LEMD1: variants seen among roughly 807,000 people sequenced by gnomAD.
LEMD1 encodes LEM domain containing 1.
LEMD1 carries 18 observed loss-of-function variants against 17.4 expected under a neutral mutation model. The ratio of observed to expected loss-of-function variants is 1.04; its 90% CI spans 0.72 to 1.54. The LOEUF is 1.54. Among genes scored for constraint, LEMD1 ranks in the 40% most tolerant of loss-of-function variants. The probability of loss-of-function intolerance (pLI) is 0.00; values close to 1 mark genes in which losing one functional copy is unlikely to be tolerated. For missense variants in LEMD1, 195 were observed against 210.4 expected, an observed-to-expected ratio of 0.93 and a Z score of 0.45; for synonymous variants, 88 against 77.8, an observed-to-expected ratio of 1.13 and a Z score of -0.69.
chr1:205,381,810 T>C lies in LEMD1; in HGVS notation c.394A>G (p.Thr132Ala), dbSNP rs749812756. 2 of 1,614,106 alleles carry C rather than the reference T, an allele frequency of 1.2e-6. No homozygotes were observed. Among genetic ancestry groups the C allele is most frequent in the Non-Finnish European group, 1.7e-6 (2 of 1,180,024 alleles). ...PSTRITYGTITKERDYCAEDQ... is the reference protein window; with the variant it reads ...PSTRITYGTIAKERDYCAEDQ... Reference sequence around the variant, plus strand: ...TCCGCGCAGTAGTCTCTCTCTTTGGTGATAGTCCCATATGTGATTCTGGTG... The same window carrying C: ...TCCGCGCAGTAGTCTCTCTCTTTGGCGATAGTCCCATATGTGATTCTGGTG... Residue 132 changes from threonine to alanine, a missense_variant, in exon 6 of 6, where the codon ACC becomes GCC. By Grantham distance (58) the Thr-to-Ala change is moderately conservative. Coordinates refer to ENST00000367153, the MANE Select transcript of LEMD1 (RefSeq NM_001199050.2).
chr1:205,437,293 A>T (rs1017112628), intron 1 of LEMD1: 1 of 152,864 alleles, frequency 6.5e-6, no homozygotes, highest in Non-Finnish European at 1.5e-5. Context: ...TCACTTGAGC[A>T]TCTATCTGCA....
upstream of LEMD1, among the ~76,000 whole-genome samples, chr1:205,427,048 G>A (rs193027365): frequency 3.9e-4 from 59 of 152,222 alleles, no homozygotes; most frequent in Middle Eastern, 6.8e-3. Context: ...AGAGTGGTTA[G>A]GAGAACAGGC....
intron 4 of LEMD1, among the ~76,000 whole-genome samples, chr1:205,413,655 A>ATTT (rs35717344): frequency 2.5e-5 from 2 of 78,752 alleles, no homozygotes; most frequent in African/African-American, 5.1e-5. Context: ...ATAAAATGCC[A>ATTT]TTTTTTTTTT....
chr1:205,391,241 C>A (rs1574948650), intron 4 of LEMD1, among the ~76,000 whole-genome samples: 1 of 152,100 alleles, frequency 6.6e-6, no homozygotes, highest in East Asian at 1.9e-4. Flanking sequence ...TAAGTACAGC[C>A]AATCCCCCTG....
At chr1:205,412,790 A>G (rs1322816616) in intron 4 of LEMD1, among the ~76,000 whole-genome samples, 3 of 152,188 alleles carry the variant, frequency 2.0e-5, no homozygotes, top group African/African-American at 4.8e-5. Flanking sequence ...ATTTAATTCT[A>G]TTGCCAATTC....
At chr1:205,415,499 G>A (rs1430373755) in intron 4 of LEMD1, among the ~76,000 whole-genome samples, 2 of 152,162 alleles carry the variant, frequency 1.3e-5, no homozygotes, top group Non-Finnish European at 2.9e-5. Context: ...AAGAGTGGCA[G>A]AATTCTGAAA....
At chr1:205,383,636 T>C (rs1663835348) in intron 5 of LEMD1, among the ~76,000 whole-genome samples, 1 of 151,112 alleles carries the variant, frequency 6.6e-6, no homozygotes, top group East Asian at 1.9e-4. Flanking sequence ...TTTTTTCTTT[T>C]TTCTTTTTTT....
In LEMD1 at chr1:205,381,578, G is replaced by T. The variant is rs1442748672; in HGVS notation, c.*80C>A. On this transcript the variant is annotated 3_prime_UTR_variant, in exon 6 of 6. Coordinates refer to ENST00000367153, the MANE Select transcript of LEMD1 (RefSeq NM_001199050.2). ...CCTGCAAGGGAGGGCTGCAGGCTAG[G>T]CTGGCCCTTCAGGGTAGTGTTTTGG... 4.5e-6 allele frequency: 6 copies of T among 1,339,980 alleles called. No homozygotes were observed. In the African/African-American group the frequency reaches 7.2e-5, roughly 16 times the overall value. 83.0% of individuals were successfully genotyped at this position (1,339,980 alleles called of 1,614,324 possible).
intron 4 of LEMD1, among the ~76,000 whole-genome samples, chr1:205,394,214 TG>T (rs1482507102): frequency 1.6e-5 from 1 of 61,132 alleles, no homozygotes; most frequent in Non-Finnish European, 3.1e-5. Flanking sequence ...TGGGGTGGGG[TG>T]GGGGGTAGAG....
intron 1 of LEMD1, among the ~76,000 whole-genome samples, chr1:205,446,775 G>A (rs1406545432): frequency 6.6e-6 from 1 of 152,200 alleles, no homozygotes; most frequent in Non-Finnish European, 1.5e-5. Context: ...CTGGGTGAGA[G>A]AACCCAGAGG....
Position 205,407,092 on chromosome 1 carries a change from G to A in LEMD1, c.270+9140C>T, listed in dbSNP as rs146984632. Among the ~76,000 whole-genome samples the A allele has an allele frequency of 6.6e-5, 10 of 152,258 alleles. No individual in the cohort carries two copies. The East Asian group carries it at 7.7e-4, about 12-fold the overall frequency. On this transcript the variant is annotated intron_variant, in intron 4 of 5. Transcript: ENST00000367153. ...TAGACCTGTAATCCCAGCACTTTGAGAGCCTGAGGCGGGTGGATCACGAGG... is the reference window on the plus strand; with the variant it reads ...TAGACCTGTAATCCCAGCACTTTGAAAGCCTGAGGCGGGTGGATCACGAGG...
In LEMD1 at chr1:205,445,064, G is replaced by A. The variant is rs541352937; in HGVS notation, c.-39+4804C>T. 3.9e-5 allele frequency among the ~76,000 whole-genome samples: 6 copies of A among 152,284 alleles called. No individual in the cohort carries two copies. In the South Asian group the frequency reaches 8.3e-4, roughly 21 times the overall value. On this transcript the variant is annotated intron_variant, in intron 1 of 3. Transcript: ENST00000367154. ...CCCTCCCTGAGCCATTCATCACTGC[G>A]AAGGGAAGCAGCTGCGGCTTAGGAG...
At chr1:205,409,751 G>T (rs542462612) in intron 4 of LEMD1, among the ~76,000 whole-genome samples, 1 of 150,370 alleles carries the variant, frequency 6.7e-6, no homozygotes, top group South Asian at 2.1e-4. Context: ...ACAAGCATGC[G>T]TGCCACTATG....
At chr1:205,423,688 C>T (rs1266944187), upstream of LEMD1, among the ~76,000 whole-genome samples, 1 of 152,194 alleles carries the variant, frequency 6.6e-6, no homozygotes, top group Non-Finnish European at 1.5e-5. Flanking sequence ...TTTATGAATT[C>T]CTGTACTCTG....
chr1:205,430,310 C>T (rs1379050460), intron 1 of LEMD1, among the ~76,000 whole-genome samples: 1 of 152,186 alleles, frequency 6.6e-6, no homozygotes, highest in Non-Finnish European at 1.5e-5. Context: ...GTGTTGAAGA[C>T]GGCTGGGCGG....
intron 4 of LEMD1, among the ~76,000 whole-genome samples, chr1:205,400,203 G>A (rs1857510): frequency 0.33 from 49,904 of 152,006 alleles, 8,812 homozygotes; most frequent in African/African-American, 0.45. Context: ...CTGGGACTAC[G>A]GGCACGTGCC....
chr1:205,418,795 T>C (rs866463400), intron 3 of LEMD1, among the ~76,000 whole-genome samples: 1 of 152,200 alleles, frequency 6.6e-6, no homozygotes, highest in Non-Finnish European at 1.5e-5. Flanking sequence ...GAATTACATG[T>C]AGGTGGGAGC....
chr1:205,404,126 G>A (rs1450625498), intron 4 of LEMD1, among the ~76,000 whole-genome samples: 6 of 152,186 alleles, frequency 3.9e-5, no homozygotes, highest in African/African-American at 1.4e-4. Context: ...TTCCAGCTAT[G>A]TGGTCAATTT....
intron 1 of LEMD1, among the ~76,000 whole-genome samples, chr1:205,428,504 C>G (rs996872424): frequency 3.9e-5 from 6 of 152,128 alleles, no homozygotes; most frequent in African/African-American, 9.7e-5. Context: ...TTCCTGCCCT[C>G]CTGAAGCGTA....
Sources: allele counts gnomAD v4.1 joint callset (sites outside exome capture counted in the v4.1 genomes callset), GRCh38; gene constraint gnomAD v4.1.1; transcripts MANE v1.5; gene names NCBI Gene and HGNC (gene_info 2026-07-23, HGNC 2026-07-21).